The following SBF2 variants were observed in gnomAD, a reference collection of about 807,000 sequenced individuals.
The protein encoded by SBF2 is SET binding factor 2.
SBF2 carries 112 observed loss-of-function variants against 225.2 expected under a neutral mutation model. The observed-to-expected ratio is 0.50, with a 90% CI of 0.43 to 0.58. The LOEUF (loss-of-function observed/expected upper bound fraction) is 0.58, where lower values mean the gene tolerates loss of function less well. SBF2 is among the 20% of genes least tolerant of loss of function. The pLI, the probability that SBF2 is intolerant of heterozygous loss-of-function variation, is 0.00. For missense variants in SBF2, 1,996 were observed against 2,206.2 expected (o/e 0.90, Z 1.91); for synonymous variants, 763 against 773.3 (o/e 0.99, Z 0.22).
intron 6 of SBF2, among the ~76,000 whole-genome samples, chr11:10,019,459 G>C (rs1347950739): frequency 3.3e-5 from 5 of 152,014 alleles, no homozygotes; most frequent in African/African-American, 9.7e-5. Flanking sequence ...GTAAAATAGG[G>C]CACAAGATGC....
Position 9,853,639 on chromosome 11 carries a change from T to A in SBF2, c.2437A>T (p.Asn813Tyr). The stretch of plus-strand genomic sequence containing the variant: ...CGGGTAATGAACCGCACAACAGAAT[T>A]GGCAATGTCAGTATTCTCTGAATCT... Reference protein sequence around the residue: ...FEDSENTDIANSVVRFITRFI... With the variant: ...FEDSENTDIAYSVVRFITRFI... The change falls in exon 20 of 40, where the codon AAT (asparagine) becomes TAT (tyrosine). Residue 813 changes from asparagine to tyrosine, a missense_variant. Transcript: ENST00000256190. 6.2e-7 allele frequency: 1 copy of A among 1,613,960 alleles called. No homozygotes were observed. Among genetic ancestry groups the A allele is most frequent in the African/African-American group, 1.3e-5 (1 of 75,048 alleles).
At chr11:10,128,598 G>A (rs1365856568) in intron 2 of SBF2, among the ~76,000 whole-genome samples, 3 of 152,142 alleles carry the variant, frequency 2.0e-5, no homozygotes, top group African/African-American at 7.2e-5. Context: ...ATAATCTGTA[G>A]TTGTACATTA....
intron 32 of SBF2, 117 bp downstream of exon 32, chr11:9,807,883 T>C: frequency 1.1e-6 from 1 of 925,126 alleles, no homozygotes; most frequent in Non-Finnish European, 1.7e-6. Flanking sequence ...GTCCTGTGGC[T>C]GAGTTAATCA....
At chr11:10,094,777 T>TTATAGGCATGA (rs936591161) in intron 2 of SBF2, among the ~76,000 whole-genome samples, 3 of 151,942 alleles carry the variant, frequency 2.0e-5, no homozygotes, top group African/African-American at 7.3e-5. Context: ...AGTGCTGGGA[T>TTATAGGCATGA]TATAGGCATG....
intron 17 of SBF2, among the ~76,000 whole-genome samples, chr11:9,863,198 C>T (rs1302996221): frequency 6.6e-6 from 1 of 152,132 alleles, no homozygotes; most frequent in Non-Finnish European, 1.5e-5. Flanking sequence ...ACTCATGGGG[C>T]TCACCAACCA....
At chr11:9,783,939 C>T (rs1156759374) in intron 38 of SBF2, among the ~76,000 whole-genome samples, 1 of 152,150 alleles carries the variant, frequency 6.6e-6, no homozygotes, top group Non-Finnish European at 1.5e-5. Flanking sequence ...GCTGCGAGGA[C>T]GAAGGTAACT....
chr11:10,157,952 C>T (rs1047170529), intron 2 of SBF2, among the ~76,000 whole-genome samples: 4 of 151,928 alleles, frequency 2.6e-5, no homozygotes, highest in Non-Finnish European at 4.4e-5. Flanking sequence ...CAAAACAAGT[C>T]GTAACAAATT....
chr11:10,292,234 G>A (rs1350934044), intron 1 of SBF2, among the ~76,000 whole-genome samples: 1 of 152,192 alleles, frequency 6.6e-6, no homozygotes, highest in Non-Finnish European at 1.5e-5. Context: ...ATTACACTGT[G>A]ATCATGTAGG....
In SBF2 at chr11:9,913,300, T is replaced by C. The variant is rs545707199; in HGVS notation, c.1861-17289A>G. On this transcript the variant is annotated intron_variant, in intron 16 of 39. Coordinates refer to ENST00000256190, the MANE Select transcript of SBF2 (RefSeq NM_030962.4). The stretch of plus-strand genomic sequence containing the variant: ...AAACAAACAAACAAAATGAGAAAAC[T>C]AGAATGTCCAAGAGACATGAAAAAT... 1.3e-3 allele frequency among the ~76,000 whole-genome samples: 205 copies of C among 152,080 alleles called. 1 individual carries two copies. The highest frequency in any genetic ancestry group is 4.6e-3 in the African/African-American group (192 of 41,486).
rs566352781 is a variant in SBF2, at chr11:10,079,186, C to T, written c.142-36205G>A. Among the ~76,000 whole-genome samples the T allele has an allele frequency of 1.1e-3, 164 of 152,088 alleles. 1 individual carries two copies. The highest frequency in any genetic ancestry group is 3.7e-3 in the African/African-American group (153 of 41,486). ...AAGATGCTATGACATCTCAAAGAAA[C>T]GCCGTAATTCTATAGCGATGGAGCC... is the stretch of plus-strand genomic sequence containing the variant. On this transcript the variant is annotated intron_variant, in intron 2 of 39. Coordinates refer to ENST00000256190, the MANE Select transcript of SBF2 (RefSeq NM_030962.4).
intron 2 of SBF2, among the ~76,000 whole-genome samples, chr11:10,131,768 C>G (rs1954067578): frequency 6.6e-6 from 1 of 152,126 alleles, no homozygotes; most frequent in East Asian, 1.9e-4. Context: ...ATTCTATATA[C>G]AAGTCTTTTG....
intron 16 of SBF2, among the ~76,000 whole-genome samples, chr11:9,950,336 G>A (rs746485037): frequency 2.0e-5 from 3 of 152,128 alleles, no homozygotes; most frequent in Non-Finnish European, 4.4e-5. Flanking sequence ...TTTCACTGTT[G>A]AAAAGTTTCA....
chr11:9,780,173 C>A lies in SBF2; in HGVS notation c.*245G>T. ...CAGGAGACATCTTCTGATCATTAAC[C>A]ACTAAGACCCTGTTAGAAAAATTTA... On this transcript the variant is annotated 3_prime_UTR_variant, in exon 40 of 40. Transcript: ENST00000256190. The A allele has an allele frequency of 1.9e-6, 1 of 514,848 alleles. No homozygotes were observed. Among genetic ancestry groups the A allele is most frequent in the Non-Finnish European group, 3.6e-6 (1 of 281,440 alleles). The allele number at this position is 514,848 out of a possible 1,614,324, so 31.9% of individuals were successfully genotyped here. A position where few individuals can be genotyped will look rare whatever the true frequency, so the allele number is the denominator to read the frequency against.
rs750021823 is a variant in SBF2 at position 9,842,658 on chromosome 11, G to A, written c.3223C>T (p.Arg1075Cys). The A allele has an allele frequency of 3.8e-5, 62 of 1,613,868 alleles. No individual in the cohort carries two copies. The Admixed American group carries it at 5.0e-4, about 13-fold the overall frequency. The change falls in exon 25 of 40, where the codon CGT (arginine) becomes TGT (cysteine). Residue 1075 changes from arginine to cysteine, a missense_variant. Transcript: ENST00000256190. ...TGTIVEERVN[R>C]PGWNEDDDVS... is the part of the protein sequence containing the mutation. Reference sequence around the variant, plus strand: ...TCATCATCTTCATTCCATCCAGGACGATTTACTCTTTCTTCCACAATTGTC... The same window carrying A: ...TCATCATCTTCATTCCATCCAGGACAATTTACTCTTTCTTCCACAATTGTC...
Position 10,001,276 on chromosome 11 carries a change from G to C in SBF2, c.753-254C>G, listed in dbSNP as rs181620349. On this transcript the variant is annotated intron_variant, in intron 7 of 39. Transcript: ENST00000256190. ...AACCTTTGTTTCTTCTAGGCAAGCA[G>C]TCTCTTTAGGTCTTCTAGTACTGTT... Among the ~76,000 whole-genome samples the C allele has an allele frequency of 2.7e-3, 407 of 152,208 alleles. 1 individual carries two copies. Among genetic ancestry groups the C allele is most frequent in the African/African-American group, 9.4e-3 (389 of 41,546 alleles).
At chr11:9,863,839 G>A (rs1021337984) in intron 17 of SBF2, among the ~76,000 whole-genome samples, 1 of 150,962 alleles carries the variant, frequency 6.6e-6, no homozygotes, top group African/African-American at 2.4e-5. Flanking sequence ...TCCTATCCTA[G>A]AGGTAACCAT....
At chr11:10,070,833 C>T (rs534997007) in intron 2 of SBF2, among the ~76,000 whole-genome samples, 15 of 152,246 alleles carry the variant, frequency 9.9e-5, no homozygotes, top group African/African-American at 3.4e-4. Flanking sequence ...TCTTTTATTT[C>T]GTTGAGCAGT....
chr11:9,913,877 G>GT (rs1350567580), intron 16 of SBF2, among the ~76,000 whole-genome samples: 1 of 152,134 alleles, frequency 6.6e-6, no homozygotes, highest in Non-Finnish European at 1.5e-5. Flanking sequence ...TGTTGCTGTT[G>GT]TTTAAGTAGA....
chr11:10,173,851 C>T (rs182911591), intron 2 of SBF2, among the ~76,000 whole-genome samples: 1,724 of 151,478 alleles, frequency 0.011, 15 homozygotes, highest in Non-Finnish European at 0.016. Flanking sequence ...GGGTCCCTGA[C>T]CCCTGACCCC....
Sources: allele counts gnomAD v4.1 joint callset (sites outside exome capture counted in the v4.1 genomes callset), GRCh38; gene constraint gnomAD v4.1.1; transcripts MANE v1.5; gene names NCBI Gene and HGNC (gene_info 2026-07-23, HGNC 2026-07-21).